YTHDC1: variants seen among roughly 807,000 people sequenced by gnomAD.
YTHDC1 encodes the protein YTH domain-containing protein 1.
In YTHDC1, 12 loss-of-function variants were observed where a neutral mutation model predicts 107.0. The observed-to-expected ratio is 0.11, with a 90% CI of 0.07 to 0.18. YTHDC1 has a LOEUF of 0.18. Ranked by LOEUF, YTHDC1 falls within the 10% of genes least tolerant of loss-of-function variation. YTHDC1 has a pLI of 1.00. For missense variants in YTHDC1, 635 were observed against 898.8 expected, an observed-to-expected ratio of 0.71 and a Z score of 3.75; for synonymous variants, 280 against 289.5, an observed-to-expected ratio of 0.97 and a Z score of 0.33.
intron 7 of YTHDC1, 142 bp downstream of exon 7, chr4:68,331,961 G>A: frequency 2.2e-6 from 1 of 455,668 alleles, no homozygotes; most frequent in South Asian, 5.9e-5. Flanking sequence ...ACTACAACCA[G>A]ATCCTAAGTG....
rs781509740 is a variant in YTHDC1 at position 68,318,680 on chromosome 4, A to C, written c.1761+10T>G. ...TTATCCACATTAAATAGATAAAATG[A>C]AATGCTTACCCCATTTAAAAACACA... On this transcript the variant is annotated intron_variant, in intron 14 of 16. Coordinates refer to ENST00000344157, the MANE Select transcript of YTHDC1 (RefSeq NM_001031732.4). 9.3e-6 allele frequency: 15 copies of C among 1,613,834 alleles called. No individual in the cohort carries two copies. Among genetic ancestry groups the C allele is most frequent in the Non-Finnish European group, 1.2e-5 (14 of 1,179,864 alleles).
At position 68,313,918 on chromosome 4, in the gene YTHDC1, T is replaced by C; in HGVS notation, c.*181A>G. On this transcript the variant is annotated 3_prime_UTR_variant, in exon 17 of 17. Coordinates refer to ENST00000344157, the MANE Select transcript of YTHDC1 (RefSeq NM_001031732.4). ...TGTCAGCTGTGGATTTTTGGCGGAT[T>C]TGAGTTTTTCCAGTTCTTATGATAC... 1 of 671,378 alleles carries C rather than the reference T, an allele frequency of 1.5e-6. No individual in the cohort carries two copies. Among genetic ancestry groups the C allele is most frequent in the Non-Finnish European group, 2.5e-6 (1 of 400,090 alleles). The allele number at this position is 671,378 out of a possible 1,614,324, so 41.6% of individuals were successfully genotyped here. A position where few individuals can be genotyped will look rare whatever the true frequency, so the allele number is the denominator to read the frequency against.
Position 68,337,558 on chromosome 4 carries a change from A to C in YTHDC1, c.459+14T>G. The C allele has an allele frequency of 6.3e-7, 1 of 1,590,898 alleles. No individual in the cohort carries two copies. Among genetic ancestry groups the C allele is most frequent in the Non-Finnish European group, 8.5e-7 (1 of 1,172,874 alleles). ...AATGGCTTTCTGTTTTATATCTGCA[A>C]TAATATTTACTACCTCAGAACCATC... is the stretch of plus-strand genomic sequence containing the variant. On this transcript the variant is annotated intron_variant, in intron 3 of 16. Transcript: ENST00000344157.
intron 9 of YTHDC1, among the ~76,000 whole-genome samples, chr4:68,328,883 C>T (rs1015924901): frequency 6.6e-6 from 1 of 152,176 alleles, no homozygotes; most frequent in Admixed American, 6.5e-5. Context: ...CAGCATGTTA[C>T]TGTATTGAAT....
Position 68,312,117 on chromosome 4 carries a change from A to G in YTHDC1, c.*1982T>C, listed in dbSNP as rs1315310335. On this transcript the variant is annotated 3_prime_UTR_variant, in exon 17 of 17. Transcript: ENST00000344157. ...ACCTGGGCGACAGACTCCATCTCCA[A>G]AACATTTATTAATTTATATACTGTT... 2 of 152,200 alleles carry G rather than the reference A, an allele frequency of 1.3e-5. No homozygotes were observed. Among genetic ancestry groups the G allele is most frequent in the Non-Finnish European group, 2.9e-5 (2 of 68,026 alleles). 9.4% of individuals were successfully genotyped at this position (152,200 alleles called of 1,614,324 possible).
chr4:68,318,488 A>G (rs1490018029), intron 15 of YTHDC1, 31 bp downstream of exon 15: 1 of 1,563,338 alleles, frequency 6.4e-7, no homozygotes, highest in Admixed American at 1.9e-5. Flanking sequence ...AAATTAAGTT[A>G]TGTAACTTAT....
intron 1 of YTHDC1, among the ~76,000 whole-genome samples, chr4:68,345,358 C>T (rs1725293342): frequency 2.6e-5 from 4 of 151,958 alleles, no homozygotes; most frequent in Admixed American, 2.6e-4. Context: ...AAGTTAAATA[C>T]TAAATATACT....
At position 68,312,312 on chromosome 4, in the gene YTHDC1, A is replaced by T. The variant is rs1721370215; in HGVS notation, c.*1787T>A. 1 of 152,202 alleles carries T rather than the reference A, an allele frequency of 6.6e-6. No individual in the cohort carries two copies. Among genetic ancestry groups the T allele is most frequent in the African/African-American group, 2.4e-5 (1 of 41,468 alleles). 9.4% of individuals were successfully genotyped at this position (152,202 alleles called of 1,614,324 possible). The stretch of plus-strand genomic sequence containing the variant: ...AGTCTCTATTGCATACAAAGTGCTC[A>T]GTATTTATTCCTATTATTTCAGGAA... On this transcript the variant is annotated 3_prime_UTR_variant, in exon 17 of 17. Transcript: ENST00000344157.
intron 1 of YTHDC1, among the ~76,000 whole-genome samples, chr4:68,340,627 C>A (rs1163113192): frequency 6.6e-6 from 1 of 151,992 alleles, no homozygotes. Flanking sequence ...GGTCAAAGCT[C>A]ACTAATCAGT....
At chr4:68,314,486 T>C (rs951356359) in intron 16 of YTHDC1, among the ~76,000 whole-genome samples, 163 bp from the exon 17 acceptor site, 5 of 152,182 alleles carry the variant, frequency 3.3e-5, no homozygotes, top group African/African-American at 9.6e-5. Flanking sequence ...AATGCAATAA[T>C]AAATTAATTC....
rs1308716409 is a variant in YTHDC1, at chr4:68,313,868, G to GC, written c.*230dup. The GC allele has an allele frequency of 1.0e-5, 6 of 581,316 alleles. No individual in the cohort carries two copies. Among genetic ancestry groups the GC allele is most frequent in the African/African-American group, 7.5e-5 (4 of 53,484 alleles). The allele number at this position is 581,316 out of a possible 1,614,324, so 36.0% of individuals were successfully genotyped here. ...CTACATTCTTGGACTGTTCCATTCTGCCCCAATAAAAGTGTCAATTCAACT... is the reference window on the plus strand; with the variant it reads ...CTACATTCTTGGACTGTTCCATTCTGCCCCCAATAAAAGTGTCAATTCAACT... On this transcript the variant is annotated 3_prime_UTR_variant, in exon 17 of 17. Coordinates refer to ENST00000344157, the MANE Select transcript of YTHDC1 (RefSeq NM_001031732.4).
At chr4:68,334,270 A>G (rs1005973205) in intron 4 of YTHDC1, among the ~76,000 whole-genome samples, 1 of 152,194 alleles carries the variant, frequency 6.6e-6, no homozygotes, top group Non-Finnish European at 1.5e-5. Context: ...TTATTTTTAT[A>G]TAAACAATGG....
chr4:68,316,624 T>C (rs1721888236), intron 15 of YTHDC1, among the ~76,000 whole-genome samples, 176 bp from the exon 16 acceptor site: 1 of 152,226 alleles, frequency 6.6e-6, no homozygotes, highest in African/African-American at 2.4e-5. Context: ...ACACATCTTC[T>C]AAGATTTAAC....
In YTHDC1 at chr4:68,330,090, G is replaced by A. The variant is rs1723413256; in HGVS notation, c.1261C>T (p.His421Tyr). 4 of 1,613,446 alleles carry A rather than the reference G, an allele frequency of 2.5e-6. No individual in the cohort carries two copies. Among genetic ancestry groups the A allele is most frequent in the South Asian group, 1.1e-5 (1 of 91,050 alleles). The change falls in exon 9 of 17, where the codon CAC (histidine) becomes TAC (tyrosine). Residue 421 changes from histidine to tyrosine, a missense_variant. By Grantham distance (83) the His-to-Tyr change is moderately conservative. Coordinates refer to ENST00000344157, the MANE Select transcript of YTHDC1 (RefSeq NM_001031732.4). ...ACCCAGTGTATAGGAGATCCTCCGT[G>A]ATGTGATTCTGAAGAAAGTCTTGCA... ...GFARLSSESH[H>Y]GGSPIHWVLP... is the part of the protein sequence containing the mutation.
At chr4:68,340,474 C>G (rs1199885512) in intron 1 of YTHDC1, among the ~76,000 whole-genome samples, 1 of 151,950 alleles carries the variant, frequency 6.6e-6, no homozygotes, top group African/African-American at 2.4e-5. Context: ...AAAAGCTTCT[C>G]TCATCATCTA....
rs1243989382 is a variant in YTHDC1 at position 68,322,490 on chromosome 4, G to A, written c.1601+259C>T. The A allele has an allele frequency of 2.3e-6, 1 of 435,634 alleles. No individual in the cohort carries two copies. The highest frequency in any genetic ancestry group is 3.8e-5 in the Admixed American group (1 of 26,598). 27.0% of individuals were successfully genotyped at this position (435,634 alleles called of 1,614,324 possible). A position where few individuals can be genotyped will look rare whatever the true frequency, so the allele number is the denominator to read the frequency against. On this transcript the variant is annotated intron_variant, in intron 11 of 16. Transcript: ENST00000344157. The surrounding 1 kb of genome is among the most constrained non-coding windows in gnomAD (Gnocchi z 4.8). ...CAATTGTATACATTGTATTATCAGA[G>A]TATTATCTAATCTAAACTGGTTATC...
At chr4:68,319,195 A>G (rs1382285282) in intron 12 of YTHDC1, among the ~76,000 whole-genome samples, 1 of 152,194 alleles carries the variant, frequency 6.6e-6, no homozygotes, top group Non-Finnish European at 1.5e-5. Flanking sequence ...GCACACTATG[A>G]CAGGACTTCC....
At chr4:68,319,929 A>G (rs1722265857) in intron 12 of YTHDC1, among the ~76,000 whole-genome samples, 194 bp downstream of exon 12, 1 of 152,144 alleles carries the variant, frequency 6.6e-6, no homozygotes, top group African/African-American at 2.4e-5. Context: ...ACACTGGAAT[A>G]GACTAGACAA....
At chr4:68,346,078 C>CATATATATATAT (rs34633749) in intron 1 of YTHDC1, among the ~76,000 whole-genome samples, 5,519 of 132,396 alleles carry the variant, frequency 0.042, 143 homozygotes, top group Non-Finnish European at 0.054. Flanking sequence ...TGTGTGTGTA[C>CATATATATATAT]ATATATATAT....
Sources: gnomAD v4.1 joint callset for allele counts (sites outside exome capture counted in the v4.1 genomes callset) on GRCh38, gnomAD v4.1.1 for gene constraint, Gnocchi (gnomAD v3.1) non-coding constraint, MANE v1.5 for transcripts, NCBI Gene and HGNC (gene_info 2026-07-23, HGNC 2026-07-21) for gene names.